The following PTPRB variants were observed in gnomAD, a reference collection of about 807,000 sequenced individuals.
PTPRB encodes the protein receptor-type tyrosine-protein phosphatase beta.
PTPRB carries 97 observed loss-of-function variants against 238.1 expected under a neutral mutation model. That is an observed-to-expected ratio of 0.41 (90% CI 0.35 to 0.48). The LOEUF (loss-of-function observed/expected upper bound fraction) is 0.48. Among genes scored for constraint, PTPRB ranks in the 20% least tolerant of loss-of-function variants. The probability of loss-of-function intolerance (pLI) is 0.30; values close to 1 mark genes in which losing one functional copy is unlikely to be tolerated. For missense variants in PTPRB, 2,292 were observed against 2,681.9 expected (o/e 0.85, Z 3.21); for synonymous variants, 970 against 995.4 (o/e 0.97, Z 0.48).
At chr12:70,533,779 CTA>C (rs1873659746) in intron 31 of PTPRB, among the ~76,000 whole-genome samples, 1 of 152,190 alleles carries the variant, frequency 6.6e-6, no homozygotes, top group Non-Finnish European at 1.5e-5. Flanking sequence ...ATCCCTCCCT[CTA>C]TGTGAGGACA....
At chr12:70,542,658 C>T (rs1221373623) in intron 22 of PTPRB, 4 of 150,466 alleles carry the variant, frequency 2.7e-5, no homozygotes, top group African/African-American at 4.9e-5. Context: ...GAGGCCGAGA[C>T]AGGTGGATCA....
chr12:70,625,169 G>GT (rs1247472708), intron 2 of PTPRB, among the ~76,000 whole-genome samples: 1 of 152,132 alleles, frequency 6.6e-6, no homozygotes, highest in East Asian at 1.9e-4. Flanking sequence ...TTCATTTTGT[G>GT]TCTGTGTTTT....
chr12:70,589,028 T>C (rs1270243495), intron 8 of PTPRB, among the ~76,000 whole-genome samples: 3 of 152,184 alleles, frequency 2.0e-5, no homozygotes, highest in Non-Finnish European at 4.4e-5. Flanking sequence ...TGAGAGCCCC[T>C]AATGTTCTGT....
chr12:70,555,759 A>C, intron 19 of PTPRB, 111 bp downstream of exon 19: 7 of 1,359,734 alleles, frequency 5.1e-6, no homozygotes, highest in Non-Finnish European at 6.9e-6. Flanking sequence ...AGGCTTATGC[A>C]AAAGTGAAGT....
chr12:70,571,432 C>T, intron 12 of PTPRB, 143 bp from the exon 13 acceptor site: 1 of 858,104 alleles, frequency 1.2e-6, no homozygotes, highest in Non-Finnish European at 1.7e-6. Context: ...CATAATTAAA[C>T]AAGAAAAATT....
intron 4 of PTPRB, among the ~76,000 whole-genome samples, chr12:70,605,166 G>T (rs1480953046): frequency 1.3e-5 from 2 of 152,018 alleles, no homozygotes; most frequent in Non-Finnish European, 2.9e-5. Context: ...TTAACAAGAG[G>T]GAAAATGCTT....
At chr12:70,551,934 T>C (rs1876940745) in intron 21 of PTPRB, among the ~76,000 whole-genome samples, 1 of 152,240 alleles carries the variant, frequency 6.6e-6, no homozygotes, top group Non-Finnish European at 1.5e-5. Flanking sequence ...GCTGCTCCTT[T>C]TCATTAGTCA....
At chr12:70,571,534 C>G in intron 12 of PTPRB, 1 of 579,666 alleles carries the variant, frequency 1.7e-6, no homozygotes, top group Non-Finnish European at 3.0e-6. Flanking sequence ...GTTATGATCT[C>G]AATCATAAGA....
chr12:70,594,469 G>A lies in PTPRB; in HGVS notation c.1514C>T (p.Thr505Ile), dbSNP rs763232951. 1 of 1,613,896 alleles carries A rather than the reference G, an allele frequency of 6.2e-7. No individual in the cohort carries two copies. Among genetic ancestry groups the A allele is most frequent in the Non-Finnish European group, 8.5e-7 (1 of 1,179,836 alleles). ...TCAGCTAGCTAGGGGGAACTTACCTGTCCTGACTAGTTTCCACCTGTAGTT... is the reference window on the plus strand; with the variant it reads ...TCAGCTAGCTAGGGGGAACTTACCTATCCTGACTAGTTTCCACCTGTAGTT... The part of the protein sequence containing the change: ...LQNYRWKLVR[T>I]APMEVSNLKV... The change falls in exon 6 of 34, where the codon ACA (threonine) becomes ATA (isoleucine). Residue 505 changes from threonine to isoleucine, a missense_variant and splice_region_variant. Around this residue, in one of 4 missense-constraint regions of PTPRB, gnomAD observed 1,205 missense variants for 1,287.8 expected, o/e 0.94. Coordinates refer to ENST00000334414, the MANE Select transcript of PTPRB (RefSeq NM_001109754.4).
At position 70,559,511 on chromosome 12, in the gene PTPRB, A is replaced by T; in HGVS notation, c.4546T>A (p.Leu1516Met). The T allele has an allele frequency of 6.2e-7, 1 of 1,614,016 alleles. No homozygotes were observed. The highest frequency in any genetic ancestry group is 8.5e-7 in the Non-Finnish European group (1 of 1,179,886). ...AAGACAGTAAGTGCATCTCTGGGCA[A>T]CCACTGCAGCTCAAAGTCGTTGTAG... ...TDYNDFELQW[L>M]PRDALTVFNP... The change falls in exon 18 of 34, where the codon TTG becomes ATG. Residue 1516 changes from leucine to methionine, a missense_variant. Physicochemically the swap from Leu to Met is conservative, Grantham distance 15. Transcript: ENST00000334414.
intron 11 of PTPRB, among the ~76,000 whole-genome samples, chr12:70,574,517 T>C (rs1355473537): frequency 6.6e-6 from 1 of 152,190 alleles, no homozygotes. Flanking sequence ...AAGCAACTAT[T>C]ACAGGAAGAA....
intron 22 of PTPRB, chr12:70,541,167 G>C (rs1425262742): frequency 5.8e-6 from 3 of 517,278 alleles, no homozygotes; most frequent in Non-Finnish European, 6.8e-6. Flanking sequence ...TAGCAGTGAG[G>C]CCAGGTGTCA....
At chr12:70,576,688 G>GGGGGGGGGGGA in intron 10 of PTPRB, 43 bp from the exon 11 acceptor site, 1 of 337,094 alleles carries the variant, frequency 3.0e-6, no homozygotes, top group Non-Finnish European at 5.4e-6. Flanking sequence ...GGGGGAAGGG[G>GGGGGGGGGGGA]GATTCAAAAA....
rs1347650336 is a variant in PTPRB, at chr12:70,564,479, A to T, written c.3905-1372T>A. On this transcript the variant is annotated intron_variant, in intron 15 of 33. Coordinates refer to ENST00000334414, the MANE Select transcript of PTPRB (RefSeq NM_001109754.4). ...GGTTGTGGTGAGCTAAGATCGCACC[A>T]CTGCACTCCAGCTTGGGCAACAGAG... Among the ~76,000 whole-genome samples the T allele has an allele frequency of 2.7e-5, 4 of 148,186 alleles. No homozygotes were observed. In the East Asian group the frequency reaches 8.1e-4, roughly 30 times the overall value.
intron 5 of PTPRB, 22 bp downstream of exon 5, chr12:70,596,027 C>T: frequency 6.5e-7 from 1 of 1,531,704 alleles, no homozygotes; most frequent in Non-Finnish European, 8.8e-7. Context: ...AACTACTCAG[C>T]TATAAAATAA....
intron 4 of PTPRB, among the ~76,000 whole-genome samples, chr12:70,607,363 C>T (rs1884032263): frequency 6.6e-6 from 1 of 152,104 alleles, no homozygotes; most frequent in African/African-American, 2.4e-5. Context: ...TCTGTAAGTT[C>T]TATGTTATGT....
At position 70,521,482 on chromosome 12, in the gene PTPRB, T is replaced by A. The variant is rs1349180516; in HGVS notation, c.*7A>T. 1 of 1,541,252 alleles carries A rather than the reference T, an allele frequency of 6.5e-7. No individual in the cohort carries two copies. On this transcript the variant is annotated 3_prime_UTR_variant, in exon 34 of 34. Transcript: ENST00000334414. ...AATTTTTATCCAGGAGCTCTTCAGGTACATTCTCAATGCCTTGAATAGACT... is the reference window on the plus strand; with the variant it reads ...AATTTTTATCCAGGAGCTCTTCAGGAACATTCTCAATGCCTTGAATAGACT...
chr12:70,623,706 G>C (rs1489448450), intron 2 of PTPRB, among the ~76,000 whole-genome samples: 1 of 152,128 alleles, frequency 6.6e-6, no homozygotes, highest in African/African-American at 2.4e-5. Flanking sequence ...CTAAAAGACT[G>C]GGAGAGCGAG....
chr12:70,538,336 A>T, intron 27 of PTPRB, 105 bp from the exon 28 acceptor site: 1 of 908,322 alleles, frequency 1.1e-6, no homozygotes, highest in Middle Eastern at 2.3e-4. Context: ...CACAGATGGG[A>T]AGTGATCTTA....
Sources: gnomAD v4.1 joint callset for allele counts (sites outside exome capture counted in the v4.1 genomes callset) on GRCh38, gnomAD v4.1.1 for gene constraint, gnomAD v4.1.1 regional missense constraint, MANE v1.5 for transcripts, NCBI Gene and HGNC (gene_info 2026-07-23, HGNC 2026-07-21) for gene names.